HCN1: variants seen among roughly 807,000 people sequenced by gnomAD.
HCN1 encodes the protein potassium/sodium hyperpolarization-activated cyclic nucleotide-gated channel 1.
In HCN1, 13 loss-of-function variants were observed where a neutral mutation model predicts 78.9. That is an observed-to-expected ratio of 0.16 (90% CI 0.11 to 0.26). The LOEUF is 0.26. Among genes scored for constraint, HCN1 ranks in the 10% least tolerant of loss-of-function variants. The probability of loss-of-function intolerance (pLI) is 1.00; values close to 1 mark genes in which losing one functional copy is unlikely to be tolerated. For missense variants in HCN1, 810 were observed against 1,154.3 expected (o/e 0.70, Z 4.32); for synonymous variants, 552 against 455.5 (o/e 1.21, Z -2.70).
intron 3 of HCN1, among the ~76,000 whole-genome samples, chr5:45,430,719 GGC>G (rs960961211): frequency 6.6e-6 from 1 of 152,038 alleles, no homozygotes; most frequent in African/African-American, 2.4e-5. Flanking sequence ...CTACTCAGGA[GGC>G]TGAGGCAGGA....
intron 3 of HCN1, among the ~76,000 whole-genome samples, chr5:45,454,303 G>A (rs1211702147): frequency 1.3e-5 from 2 of 151,884 alleles, no homozygotes; most frequent in East Asian, 3.9e-4. Context: ...CCAATAGAGA[G>A]CAGTTGCCAG....
At chr5:45,641,201 T>C (rs940500373) in intron 2 of HCN1, among the ~76,000 whole-genome samples, 1 of 152,204 alleles carries the variant, frequency 6.6e-6, no homozygotes, top group Non-Finnish European at 1.5e-5. Flanking sequence ...TATTGTATAA[T>C]TATAGATAGG....
At chr5:45,526,771 T>C (rs1453315519) in intron 2 of HCN1, among the ~76,000 whole-genome samples, 4 of 152,086 alleles carry the variant, frequency 2.6e-5, no homozygotes, top group Non-Finnish European at 2.9e-5. Context: ...TTGAGCTCTC[T>C]TTCTCAGATA....
At chr5:45,502,033 AC>A (rs1413254739) in intron 2 of HCN1, among the ~76,000 whole-genome samples, 3 of 152,200 alleles carry the variant, frequency 2.0e-5, no homozygotes, top group Non-Finnish European at 4.4e-5. Flanking sequence ...TACAAAAGAT[AC>A]CATATCCTTT....
chr5:45,270,826 A>T lies in HCN1; in HGVS notation c.1619-3573T>A, dbSNP rs1475510903. On this transcript the variant is annotated intron_variant, in intron 6 of 7. Transcript: ENST00000303230. ...AAATAAGAATATAGCTATTCTCAGT[A>T]TGCACAGTCATTTTACAGATATGTT... 2.0e-5 allele frequency among the ~76,000 whole-genome samples: 3 copies of T among 152,330 alleles called. No homozygotes were observed. In the East Asian group the frequency reaches 5.8e-4, roughly 29 times the overall value.
At chr5:45,664,328 G>T (rs1469586446) in intron 1 of HCN1, among the ~76,000 whole-genome samples, 1 of 135,930 alleles carries the variant, frequency 7.4e-6, no homozygotes, top group Non-Finnish European at 1.6e-5. Context: ...GGAGGGGGAG[G>T]GATAGCATTG....
Position 45,396,777 on chromosome 5 carries a change from C to T in HCN1, c.1012-67G>A, listed in dbSNP as rs1187837805. On this transcript the variant is annotated intron_variant, in intron 3 of 7. Coordinates refer to ENST00000303230, the MANE Select transcript of HCN1 (RefSeq NM_021072.4). ...ATGGCAGAATGAAAAGTGAGTAGGA[C>T]CTGTACACAGAAGCATTATAAAATA... The T allele has an allele frequency of 2.6e-6, 3 of 1,145,874 alleles. No homozygotes were observed. The African/African-American group carries it at 4.6e-5, about 17-fold the overall frequency. 71.0% of individuals were successfully genotyped at this position (1,145,874 alleles called of 1,614,324 possible).
chr5:45,563,892 C>A (rs1265653795), intron 2 of HCN1, among the ~76,000 whole-genome samples: 1 of 152,134 alleles, frequency 6.6e-6, no homozygotes, highest in African/African-American at 2.4e-5. Context: ...GAAGAGCTTT[C>A]TTCTCCAATT....
chr5:45,312,868 G>A (rs1745884947), intron 5 of HCN1, among the ~76,000 whole-genome samples: 1 of 152,182 alleles, frequency 6.6e-6, no homozygotes, highest in African/African-American at 2.4e-5. Flanking sequence ...AAGCAGCCTG[G>A]AGGCTCGACC....
chr5:45,564,058 C>A (rs960434934), intron 2 of HCN1, among the ~76,000 whole-genome samples: 1 of 152,030 alleles, frequency 6.6e-6, no homozygotes, highest in Non-Finnish European at 1.5e-5. Flanking sequence ...TCCTCAGACC[C>A]AATCATAAAT....
intron 5 of HCN1, among the ~76,000 whole-genome samples, chr5:45,325,068 A>C (rs1440945179): frequency 6.6e-6 from 1 of 151,692 alleles, no homozygotes; most frequent in Non-Finnish European, 1.5e-5. Context: ...GAGCAGGAAC[A>C]GAATGTACTC....
chr5:45,315,576 G>T (rs925527085), intron 5 of HCN1, among the ~76,000 whole-genome samples: 2 of 152,118 alleles, frequency 1.3e-5, no homozygotes, highest in Non-Finnish European at 2.9e-5. Flanking sequence ...GAGCAGAACT[G>T]AAGGAGATAG....
At chr5:45,398,612 T>C (rs1295259730) in intron 3 of HCN1, among the ~76,000 whole-genome samples, 1 of 152,202 alleles carries the variant, frequency 6.6e-6, no homozygotes, top group Non-Finnish European at 1.5e-5. Context: ...TTAGTGTTTC[T>C]TCTGATATTT....
rs145020086 is a variant in HCN1, at chr5:45,445,260, C to T, written c.1011+16586G>A. Among the ~76,000 whole-genome samples, 260 of 152,260 alleles carry T rather than the reference C, an allele frequency of 1.7e-3. 1 individual carries two copies. The highest frequency in any genetic ancestry group is 2.3e-3 in the Non-Finnish European group (156 of 68,014). On this transcript the variant is annotated intron_variant, in intron 3 of 7. Transcript: ENST00000303230. ...CCCGCACCTGGCTCGGAGGGTCCTA[C>T]GCCCAGGTAGTCTCACTGATTGCTA...
intron 6 of HCN1, 22 bp downstream of exon 6, chr5:45,303,577 T>C: frequency 6.2e-7 from 1 of 1,612,206 alleles, no homozygotes; most frequent in South Asian, 1.1e-5. Context: ...GATTTCATCT[T>C]AGTTGCATCT....
chr5:45,276,294 C>T (rs1393975818), intron 6 of HCN1, among the ~76,000 whole-genome samples: 10 of 152,014 alleles, frequency 6.6e-5, no homozygotes, highest in Admixed American at 6.6e-4. Context: ...TGCAAAAATT[C>T]ATTCATTCAT....
intron 4 of HCN1, among the ~76,000 whole-genome samples, chr5:45,385,949 A>G (rs1282525926): frequency 6.6e-6 from 1 of 152,080 alleles, no homozygotes; most frequent in Non-Finnish European, 1.5e-5. Context: ...GCCAGATACC[A>G]CTAAAACAGA....
At chr5:45,345,111 T>C (rs1746673740) in intron 5 of HCN1, among the ~76,000 whole-genome samples, 1 of 152,178 alleles carries the variant, frequency 6.6e-6, no homozygotes, top group Admixed American at 6.5e-5. Flanking sequence ...CAACATCATG[T>C]GGAAGATCCC....
At chr5:45,646,370 T>TC (rs1389204639) in intron 1 of HCN1, among the ~76,000 whole-genome samples, 4 of 77,822 alleles carry the variant, frequency 5.1e-5, no homozygotes, top group African/African-American at 1.4e-4. Context: ...TTTCTTTCTT[T>TC]TTTTTTTTTT....
Sources: allele counts gnomAD v4.1 joint callset (sites outside exome capture counted in the v4.1 genomes callset), GRCh38; gene constraint gnomAD v4.1.1; transcripts MANE v1.5; gene names NCBI Gene and HGNC (gene_info 2026-07-23, HGNC 2026-07-21).